The following BTBD9 variants were observed in gnomAD, a reference collection of about 807,000 sequenced individuals.
BTBD9 encodes the protein BTB/POZ domain-containing protein 9.
Under a neutral mutation model 64.3 loss-of-function variants are expected in BTBD9, and 49 were observed. That is an observed-to-expected ratio of 0.76 (90% CI 0.61 to 0.97). BTBD9 has a LOEUF of 0.97. Ranked by LOEUF, BTBD9 falls within the 50% of genes least tolerant of loss-of-function variation. The probability of loss-of-function intolerance (pLI) is 0.00; values close to 1 mark genes in which losing one functional copy is unlikely to be tolerated. For synonymous variants in BTBD9, 260 were observed against 274.7 expected (o/e 0.95, Z 0.53); for missense variants, 598 against 762.1 (o/e 0.78, Z 2.53).
intron 6 of BTBD9, among the ~76,000 whole-genome samples, chr6:38,489,782 T>C (rs949491175): frequency 2.0e-5 from 3 of 152,258 alleles, no homozygotes; most frequent in African/African-American, 7.2e-5. Context: ...CTTTTGTGAA[T>C]TGTCTATTCC....
At chr6:38,547,023 G>A (rs546614193) in intron 6 of BTBD9, among the ~76,000 whole-genome samples, 11 of 152,250 alleles carry the variant, frequency 7.2e-5, no homozygotes, top group South Asian at 2.1e-4. Flanking sequence ...TATCTGGGGC[G>A]TCACGAGCCT....
intron 9 of BTBD9, among the ~76,000 whole-genome samples, chr6:38,223,659 T>C (rs1220441967): frequency 6.6e-6 from 1 of 152,120 alleles, no homozygotes; most frequent in African/African-American, 2.4e-5. Flanking sequence ...TTAACATCAG[T>C]CCTCTTCCTC....
At chr6:38,522,254 T>G (rs1773300844) in intron 6 of BTBD9, among the ~76,000 whole-genome samples, 2 of 152,204 alleles carry the variant, frequency 1.3e-5, no homozygotes, top group Admixed American at 6.5e-5. Context: ...AATGTACACA[T>G]ATGCCATTTT....
intron 1 of BTBD9, among the ~76,000 whole-genome samples, chr6:38,630,136 A>T (rs977550711): frequency 6.6e-6 from 1 of 151,278 alleles, no homozygotes; most frequent in African/African-American, 2.4e-5. Flanking sequence ...CCCGGAAGAC[A>T]GAGGTTGCAG....
Position 38,344,991 on chromosome 6 carries a change from C to A in BTBD9, c.1257G>T (p.Gly419=). 1 of 1,584,340 alleles carries A rather than the reference C, an allele frequency of 6.3e-7. No individual in the cohort carries two copies. The highest frequency in any genetic ancestry group is 8.6e-7 in the Non-Finnish European group (1 of 1,156,422). ...FTNKTFTLEK[G]LIVPMENVAT... ...TCTAATGGTAATACTTACCTATCAGCCCCTTCTCAAGAGTGAAGGTTTTGT... is the reference window on the plus strand; with the variant it reads ...TCTAATGGTAATACTTACCTATCAGACCCTTCTCAAGAGTGAAGGTTTTGT... Residue 419 remains glycine (G), a synonymous_variant, in exon 7 of 11, where the codon GGG becomes GGT. Coordinates refer to ENST00000481247, the MANE Select transcript of BTBD9 (RefSeq NM_001099272.2).
chr6:38,363,986 G>A (rs558604631), intron 6 of BTBD9, among the ~76,000 whole-genome samples: 73 of 152,274 alleles, frequency 4.8e-4, no homozygotes, highest in Admixed American at 1.4e-3. Context: ...CACAGAGAAT[G>A]AGGCCTTGAG....
rs1333168639 is a variant in BTBD9 at position 38,302,585 on chromosome 6, G to A, written c.1265-14124C>T. On this transcript the variant is annotated intron_variant, in intron 7 of 10. Coordinates refer to ENST00000481247, the MANE Select transcript of BTBD9 (RefSeq NM_001099272.2). The stretch of plus-strand genomic sequence containing the variant: ...CTTAGGTTGATTTTATGTCTTGGCT[G>A]TTGTGAATTATGCTGTAATAAACAT... Among the ~76,000 whole-genome samples, 4 of 146,506 alleles carry A rather than the reference G, an allele frequency of 2.7e-5. No individual in the cohort carries two copies. In the East Asian group the frequency reaches 8.2e-4, roughly 30 times the overall value.
chr6:38,358,023 CTT>C (rs531629626), intron 6 of BTBD9, among the ~76,000 whole-genome samples: 2 of 152,098 alleles, frequency 1.3e-5, no homozygotes, highest in Non-Finnish European at 2.9e-5. Context: ...CGGTCTCTCT[CTT>C]TCTCTCTCTC....
chr6:38,386,658 G>T (rs570590782), intron 6 of BTBD9, among the ~76,000 whole-genome samples: 22 of 131,276 alleles, frequency 1.7e-4, no homozygotes, highest in African/African-American at 5.5e-4. Flanking sequence ...TTTTTGGAGT[G>T]GGGGGCCAGG....
At chr6:38,398,501 T>C (rs1034339358) in intron 6 of BTBD9, among the ~76,000 whole-genome samples, 12 of 152,108 alleles carry the variant, frequency 7.9e-5, no homozygotes, top group African/African-American at 2.7e-4. Context: ...CATTGAACCA[T>C]CCAAACTAAA....
rs143129649 is a variant in BTBD9, at chr6:38,603,440, C to A, written c.-27-5319G>T. 6.6e-4 allele frequency among the ~76,000 whole-genome samples: 100 copies of A among 152,286 alleles called. 1 individual carries two copies. In the East Asian group the frequency reaches 0.019, roughly 29 times the overall value. Reference sequence around the variant, plus strand: ...CATTTGTTCTAACCAAAATAATAAACAATGTCCATCAATACACTGAGAGTA... The same window carrying A: ...CATTTGTTCTAACCAAAATAATAAAAAATGTCCATCAATACACTGAGAGTA... On this transcript the variant is annotated intron_variant, in intron 1 of 10. Coordinates refer to ENST00000481247, the MANE Select transcript of BTBD9 (RefSeq NM_001099272.2).
Position 38,408,453 on chromosome 6 carries a change from A to G in BTBD9, c.1155-63360T>C, listed in dbSNP as rs558223602. ...AGGTTAAATACATTGAAGAGAATCCAAAAAGAATCCAAAGCTTTGTGATCT... is the reference window on the plus strand; with the variant it reads ...AGGTTAAATACATTGAAGAGAATCCGAAAAGAATCCAAAGCTTTGTGATCT... On this transcript the variant is annotated intron_variant, in intron 6 of 10. Transcript: ENST00000481247. Among the ~76,000 whole-genome samples the G allele has an allele frequency of 2.6e-5, 4 of 152,356 alleles. No homozygotes were observed. In the East Asian group the frequency reaches 7.7e-4, roughly 29 times the overall value.
chr6:38,337,303 T>C (rs972536745), intron 7 of BTBD9, among the ~76,000 whole-genome samples: 3 of 152,236 alleles, frequency 2.0e-5, no homozygotes, highest in Non-Finnish European at 2.9e-5. Context: ...ACAGCCCAGA[T>C]TTCCAACTCT....
intron 6 of BTBD9, among the ~76,000 whole-genome samples, chr6:38,457,690 G>C (rs1257892667): frequency 6.6e-6 from 1 of 152,090 alleles, no homozygotes; most frequent in African/African-American, 2.4e-5. Context: ...GAGAGGCCTG[G>C]CCAGAGAGAT....
At position 38,174,446 on chromosome 6, in the gene BTBD9, T is replaced by C. The variant is rs1460304896; in HGVS notation, c.*539A>G. On this transcript the variant is annotated 3_prime_UTR_variant, in exon 11 of 11. Transcript: ENST00000481247. ...ATCAAAAGGGATTAAAACTAGTGATTTGCTGTTTGAGCATTTCAAATAGAT... is the reference window on the plus strand; with the variant it reads ...ATCAAAAGGGATTAAAACTAGTGATCTGCTGTTTGAGCATTTCAAATAGAT... 6.5e-6 allele frequency: 1 copy of C among 153,068 alleles called. No homozygotes were observed. Among genetic ancestry groups the C allele is most frequent in the Admixed American group, 6.5e-5 (1 of 15,348 alleles). 9.5% of individuals were successfully genotyped at this position (153,068 alleles called of 1,614,324 possible). A position where few individuals can be genotyped will look rare whatever the true frequency, so the allele number is the denominator to read the frequency against.
chr6:38,464,913 A>G (rs1253210031), intron 6 of BTBD9, among the ~76,000 whole-genome samples: 2 of 152,228 alleles, frequency 1.3e-5, no homozygotes, highest in African/African-American at 4.8e-5. Flanking sequence ...GAGTTTATGT[A>G]GAATGGATAT....
intron 6 of BTBD9, among the ~76,000 whole-genome samples, chr6:38,458,121 C>G (rs1769905305): frequency 6.6e-6 from 1 of 152,130 alleles, no homozygotes; most frequent in African/African-American, 2.4e-5. Context: ...TTCAAAACAG[C>G]AGATTATTGT....
Position 38,580,219 on chromosome 6 carries a change from G to T in BTBD9, c.1033C>A (p.Arg345=). 2 of 1,612,942 alleles carry T rather than the reference G, an allele frequency of 1.2e-6. No homozygotes were observed. The highest frequency in any genetic ancestry group is 1.7e-6 in the Non-Finnish European group (2 of 1,179,026). Reference sequence around the variant, plus strand: ...TTCTAAGTCATGCTAATCACTTACCGGCTATCTCGGTCCCACAAGAGTATC... The same window carrying T: ...TTCTAAGTCATGCTAATCACTTACCTGCTATCTCGGTCCCACAAGAGTATC... ...IRILLWDRDS[R]SYSYFIEVSM... Residue 345 remains arginine (R), a splice_region_variant and synonymous_variant, in exon 5 of 11, where the codon CGG becomes AGG. Transcript: ENST00000481247.
At chr6:38,522,781 A>G (rs147652378) in intron 6 of BTBD9, among the ~76,000 whole-genome samples, 1 of 152,288 alleles carries the variant, frequency 6.6e-6, no homozygotes, top group African/African-American at 2.4e-5. Flanking sequence ...CGATGTCTGA[A>G]AAGTCTGATA....
Sources: gnomAD v4.1 joint callset for allele counts (sites outside exome capture counted in the v4.1 genomes callset) on GRCh38, gnomAD v4.1.1 for gene constraint, MANE v1.5 for transcripts, NCBI Gene and HGNC (gene_info 2026-07-23, HGNC 2026-07-21) for gene names.